THSD7B: variants seen among roughly 807,000 people sequenced by gnomAD.
The protein encoded by THSD7B is thrombospondin type-1 domain-containing protein 7B.
THSD7B carries 138 observed loss-of-function variants against 213.6 expected under a neutral mutation model. The ratio of observed to expected loss-of-function variants is 0.65; its 90% CI spans 0.56 to 0.74. The LOEUF (loss-of-function observed/expected upper bound fraction) is 0.74, where lower values mean the gene tolerates loss of function less well. Ranked by LOEUF, THSD7B falls within the 30% of genes least tolerant of loss-of-function variation. THSD7B has a pLI of 0.00. For missense variants in THSD7B, 1,931 were observed against 1,991.5 expected, an observed-to-expected ratio of 0.97 and a Z score of 0.58; for synonymous variants, 742 against 687.0, an observed-to-expected ratio of 1.08 and a Z score of -1.25.
chr2:136,792,203 T>C (rs1438434594), intron 1 of THSD7B, among the ~76,000 whole-genome samples: 1 of 152,010 alleles, frequency 6.6e-6, no homozygotes, highest in Non-Finnish European at 1.5e-5. Context: ...CATCACCCCC[T>C]AAAATTTCCT....
At chr2:137,410,000 A>T (rs1488609363) in intron 13 of THSD7B, among the ~76,000 whole-genome samples, 1 of 152,196 alleles carries the variant, frequency 6.6e-6, no homozygotes, top group African/African-American at 2.4e-5. Flanking sequence ...TAGAAGAGAA[A>T]TGAAACTGAA....
chr2:137,405,847 A>G (rs750770618), intron 13 of THSD7B, 40 bp downstream of exon 13: 52 of 1,538,636 alleles, frequency 3.4e-5, no homozygotes, highest in Non-Finnish European at 4.6e-5. Flanking sequence ...AGGCAAGCTG[A>G]ACATCTCTGG....
At chr2:137,194,102 C>A (rs1385032339) in intron 7 of THSD7B, among the ~76,000 whole-genome samples, 1 of 152,080 alleles carries the variant, frequency 6.6e-6, no homozygotes, top group African/African-American at 2.4e-5. Flanking sequence ...ATAAGAGTAA[C>A]AAGTAAGACC....
intron 2 of THSD7B, among the ~76,000 whole-genome samples, chr2:136,966,834 C>T (rs1372310966): frequency 6.6e-6 from 1 of 152,138 alleles, no homozygotes; most frequent in Non-Finnish European, 1.5e-5. Flanking sequence ...TTTCTAAGTC[C>T]TATACATGTT....
At chr2:137,252,192 G>A (rs542428887) in intron 10 of THSD7B, among the ~76,000 whole-genome samples, 5 of 150,856 alleles carry the variant, frequency 3.3e-5, no homozygotes, top group Admixed American at 6.6e-5. Flanking sequence ...GCTTGAACCC[G>A]GGAGGCAGAG....
chr2:137,218,807 G>T (rs1681304263), intron 7 of THSD7B, among the ~76,000 whole-genome samples: 1 of 152,076 alleles, frequency 6.6e-6, no homozygotes, highest in Non-Finnish European at 1.5e-5. Context: ...TTCATGTGAA[G>T]ATCTTATTTT....
At chr2:137,601,265 A>G (rs924284834) in intron 17 of THSD7B, among the ~76,000 whole-genome samples, 5 of 152,198 alleles carry the variant, frequency 3.3e-5, no homozygotes, top group African/African-American at 1.2e-4. Flanking sequence ...AGGCCTCCAT[A>G]TTCACTCACT....
chr2:137,127,082 G>T (rs1353642882), intron 5 of THSD7B, among the ~76,000 whole-genome samples: 2 of 152,116 alleles, frequency 1.3e-5, no homozygotes, highest in Non-Finnish European at 2.9e-5. Context: ...TAATGAAAAA[G>T]TGTGAAATAA....
chr2:137,143,884 A>AT (rs1033478116), intron 5 of THSD7B, among the ~76,000 whole-genome samples: 3 of 151,724 alleles, frequency 2.0e-5, no homozygotes, highest in African/African-American at 4.8e-5. Context: ...AATCATCTGA[A>AT]TTTTTTTGAT....
intron 1 of THSD7B, among the ~76,000 whole-genome samples, chr2:136,826,009 C>G (rs376587129): frequency 6.6e-6 from 1 of 152,106 alleles, no homozygotes; most frequent in Non-Finnish European, 1.5e-5. Context: ...CCTGGGGATT[C>G]GGATGTAGGC....
chr2:137,320,977 T>A (rs1684252656), intron 12 of THSD7B, among the ~76,000 whole-genome samples: 1 of 152,250 alleles, frequency 6.6e-6, no homozygotes, highest in Non-Finnish European at 1.5e-5. Context: ...TGAGCGTGTG[T>A]GTGCCTTAGA....
chr2:137,588,408 C>A (rs186118567), intron 17 of THSD7B, among the ~76,000 whole-genome samples: 1 of 152,092 alleles, frequency 6.6e-6, no homozygotes, highest in African/African-American at 2.4e-5. Context: ...GCAGAAATCA[C>A]CTGTCTTCTG....
At chr2:137,631,051 C>A (rs1682733046) in intron 20 of THSD7B, among the ~76,000 whole-genome samples, 1 of 152,200 alleles carries the variant, frequency 6.6e-6, no homozygotes, top group Non-Finnish European at 1.5e-5. Flanking sequence ...TTGAAATGAG[C>A]TCTTACTTTA....
At chr2:137,614,805 A>T (rs1188252266) in intron 17 of THSD7B, among the ~76,000 whole-genome samples, 1 of 152,186 alleles carries the variant, frequency 6.6e-6, no homozygotes, top group East Asian at 1.9e-4. Flanking sequence ...TACAATTAGA[A>T]GAAAAATTTG....
At chr2:137,523,382 G>T (rs1023080073) in intron 15 of THSD7B, among the ~76,000 whole-genome samples, 20 of 152,306 alleles carry the variant, frequency 1.3e-4, no homozygotes, top group Admixed American at 7.8e-4. Flanking sequence ...TAGAGGTTAG[G>T]AGAAACTTAT....
chr2:137,589,113 T>A (rs1469353477), intron 17 of THSD7B, among the ~76,000 whole-genome samples: 1 of 152,130 alleles, frequency 6.6e-6, no homozygotes, highest in Non-Finnish European at 1.5e-5. Flanking sequence ...ATAACATAAG[T>A]GTATGCTTTT....
At chr2:136,947,736 T>A (rs937273606) in intron 2 of THSD7B, among the ~76,000 whole-genome samples, 1 of 152,264 alleles carries the variant, frequency 6.6e-6, no homozygotes, top group African/African-American at 2.4e-5. Flanking sequence ...ATCAGATTAA[T>A]TCCTTTAGAT....
At chr2:137,030,576 C>T (rs1277660383) in intron 2 of THSD7B, among the ~76,000 whole-genome samples, 4 of 152,208 alleles carry the variant, frequency 2.6e-5, no homozygotes, top group Middle Eastern at 3.4e-3. Flanking sequence ...AGCACTAACA[C>T]TCAATAAAAG....
At chr2:136,865,475 A>C (rs1156796689) in intron 1 of THSD7B, among the ~76,000 whole-genome samples, 1 of 152,226 alleles carries the variant, frequency 6.6e-6, no homozygotes, top group South Asian at 2.1e-4. Context: ...GGAAATATTC[A>C]ATTACTGCAC....
Sources: gnomAD v4.1 joint callset for allele counts (sites outside exome capture counted in the v4.1 genomes callset) on GRCh38, gnomAD v4.1.1 for gene constraint, MANE v1.5 for transcripts, NCBI Gene and HGNC (gene_info 2026-07-23, HGNC 2026-07-21) for gene names.